KIAA1549L: variants seen among roughly 807,000 people sequenced by gnomAD.
KIAA1549L encodes UPF0606 protein KIAA1549L.
A neutral mutation model predicts 160.7 loss-of-function variants in KIAA1549L; 88 were observed. The observed-to-expected ratio is 0.55, with a 90% confidence interval of 0.46 to 0.65. The LOEUF (loss-of-function observed/expected upper bound fraction) is 0.65. Ranked by LOEUF, KIAA1549L falls within the 30% of genes least tolerant of loss-of-function variation. KIAA1549L has a pLI of 0.00. For synonymous variants in KIAA1549L, 950 were observed against 976.7 expected (o/e 0.97, Z 0.51); for missense variants, 2,258 against 2,437.5 (o/e 0.93, Z 1.55).
At chr11:33,541,236 T>C (rs1478925733) in intron 1 of KIAA1549L, among the ~76,000 whole-genome samples, 1 of 152,212 alleles carries the variant, frequency 6.6e-6, no homozygotes, top group African/African-American at 2.4e-5. Flanking sequence ...TAGCCTAATC[T>C]GAAAGAAAAT....
chr11:33,455,198 A>G (rs1851798406), intron 1 of KIAA1549L, among the ~76,000 whole-genome samples: 1 of 152,244 alleles, frequency 6.6e-6, no homozygotes, highest in Non-Finnish European at 1.5e-5. Flanking sequence ...GTTAGCTACA[A>G]GACCCATTCT....
chr11:33,520,703 AC>A (rs1853467457), intron 1 of KIAA1549L, among the ~76,000 whole-genome samples: 1 of 141,014 alleles, frequency 7.1e-6, no homozygotes, highest in Non-Finnish European at 1.5e-5. Flanking sequence ...ACACACACAC[AC>A]ACACACACAC....
chr11:33,396,147 A>G (rs971413598), intron 1 of KIAA1549L, among the ~76,000 whole-genome samples: 4 of 152,148 alleles, frequency 2.6e-5, no homozygotes, highest in African/African-American at 9.7e-5. Context: ...ACTTAAGGTG[A>G]TAGCACCCAT....
At chr11:33,529,563 C>T (rs754098804) in intron 1 of KIAA1549L, among the ~76,000 whole-genome samples, 13 of 152,140 alleles carry the variant, frequency 8.5e-5, no homozygotes, top group Admixed American at 6.5e-4. Flanking sequence ...CAAACAGACA[C>T]AGAGAGGTCA....
chr11:33,654,661 T>A (rs955296119), intron 17 of KIAA1549L, among the ~76,000 whole-genome samples: 1 of 152,224 alleles, frequency 6.6e-6, no homozygotes, highest in African/African-American at 2.4e-5. Context: ...ACTGTCAATA[T>A]GGCGTTTGTT....
At chr11:33,612,238 C>T (rs138895689) in intron 15 of KIAA1549L, among the ~76,000 whole-genome samples, 14 of 152,252 alleles carry the variant, frequency 9.2e-5, no homozygotes, top group South Asian at 2.1e-4. Flanking sequence ...TTGACACACT[C>T]TGCTGTTGAC....
At chr11:33,541,551 C>T (rs1385145016) in intron 1 of KIAA1549L, among the ~76,000 whole-genome samples, 4 of 152,210 alleles carry the variant, frequency 2.6e-5, no homozygotes, top group African/African-American at 9.6e-5. Flanking sequence ...TTTTAATACA[C>T]AAGTATTTTC....
chr11:33,399,434 A>G (rs568642809), intron 1 of KIAA1549L, among the ~76,000 whole-genome samples: 4 of 152,316 alleles, frequency 2.6e-5, no homozygotes, highest in East Asian at 3.9e-4. Flanking sequence ...GTGGTGGTAT[A>G]TGCAGTTTTT....
intron 1 of KIAA1549L, among the ~76,000 whole-genome samples, chr11:33,525,137 C>G (rs1422561649): frequency 6.6e-6 from 1 of 152,114 alleles, no homozygotes; most frequent in East Asian, 1.9e-4. Context: ...ACTTGAGCTC[C>G]AAGAACCACT....
chr11:33,635,783 A>G (rs1015110643), intron 16 of KIAA1549L, among the ~76,000 whole-genome samples: 7 of 152,104 alleles, frequency 4.6e-5, no homozygotes, highest in African/African-American at 1.7e-4. Context: ...GACTTTTAAC[A>G]CTCATTTATT....
At chr11:33,502,541 GTTTCAGTGTTTTATTTAAAAT>G (rs1039259172) in intron 1 of KIAA1549L, among the ~76,000 whole-genome samples, 3 of 152,274 alleles carry the variant, frequency 2.0e-5, no homozygotes, top group African/African-American at 2.4e-5. Context: ...TTGTCCTGGA[GTTTCAGTGTTTTATTTAAAAT>G]ATCAAACACA....
At chr11:33,419,538 T>C (rs1478299864) in intron 1 of KIAA1549L, among the ~76,000 whole-genome samples, 2 of 152,280 alleles carry the variant, frequency 1.3e-5, no homozygotes, top group Admixed American at 6.5e-5. Flanking sequence ...TCTCTTTTTT[T>C]GAGTGTATGC....
chr11:33,656,056 G>C lies in KIAA1549L; in HGVS notation c.5805G>C (p.Pro1935=). Residue 1935 remains proline, a synonymous_variant, in exon 18 of 21, where the codon CCG becomes CCC. Coordinates refer to ENST00000658780, the MANE Select transcript of KIAA1549L (RefSeq NM_012194.3). ...TTCCTGAGATGGTCATGGGCTCACCGCCTCCACCCGTACCTCCCCGGACTG... is the reference window on the plus strand; with the variant it reads ...TTCCTGAGATGGTCATGGGCTCACCCCCTCCACCCGTACCTCCCCGGACTG... ...SQLPEMVMGS[P]PPPVPPRTGP... is the part of the protein sequence containing the mutation. The C allele has an allele frequency of 6.2e-7, 1 of 1,613,828 alleles. No individual in the cohort carries two copies. Among genetic ancestry groups the C allele is most frequent in the Non-Finnish European group, 8.5e-7 (1 of 1,179,818 alleles).
At chr11:33,516,119 C>T (rs889522086) in intron 1 of KIAA1549L, among the ~76,000 whole-genome samples, 3 of 151,894 alleles carry the variant, frequency 2.0e-5, no homozygotes, top group East Asian at 3.9e-4. Context: ...GCAGCCACTA[C>T]CAATCAGCTG....
chr11:33,485,704 C>A (rs948330657), intron 1 of KIAA1549L, among the ~76,000 whole-genome samples: 2 of 152,074 alleles, frequency 1.3e-5, no homozygotes, highest in Admixed American at 6.6e-5. Context: ...ACTATAATCA[C>A]CATGTTTTAC....
At chr11:33,524,102 C>A (rs1565168715) in intron 1 of KIAA1549L, among the ~76,000 whole-genome samples, 1 of 152,134 alleles carries the variant, frequency 6.6e-6, no homozygotes, top group East Asian at 1.9e-4. Context: ...CTGAATATAT[C>A]TGATCCTCCT....
intron 1 of KIAA1549L, among the ~76,000 whole-genome samples, chr11:33,419,894 A>C (rs1277702177): frequency 1.0e-5 from 1 of 98,164 alleles, no homozygotes; most frequent in African/African-American, 4.0e-5. Flanking sequence ...ACATACATAC[A>C]TACATACATA....
At chr11:33,627,379 T>C (rs1851146504) in intron 16 of KIAA1549L, among the ~76,000 whole-genome samples, 2 of 151,010 alleles carry the variant, frequency 1.3e-5, no homozygotes, top group Admixed American at 6.6e-5. Context: ...TGTGAATCCA[T>C]CTGGTCCTGG....
intron 10 of KIAA1549L, among the ~76,000 whole-genome samples, chr11:33,580,585 A>G (rs966204551): frequency 2.8e-5 from 4 of 144,336 alleles, no homozygotes; most frequent in Middle Eastern, 3.4e-3. Flanking sequence ...AAAAAAAAAA[A>G]AAAAAAGAAA....
Sources: gnomAD v4.1 joint callset for allele counts (sites outside exome capture counted in the v4.1 genomes callset) on GRCh38, gnomAD v4.1.1 for gene constraint, MANE v1.5 for transcripts, NCBI Gene and HGNC (gene_info 2026-07-23, HGNC 2026-07-21) for gene names.